RBMS3: variants seen among roughly 807,000 people sequenced by gnomAD.
RBMS3 encodes the protein RNA-binding motif, single-stranded-interacting protein 3.
In RBMS3, 27 loss-of-function variants were observed where a neutral mutation model predicts 66.8. The ratio of observed to expected loss-of-function variants is 0.40; its 90% confidence interval spans 0.30 to 0.56. RBMS3 has a LOEUF of 0.56. RBMS3 is among the 20% of genes least tolerant of loss of function. RBMS3 has a pLI of 0.40. For missense variants in RBMS3, 513 were observed against 549.5 expected, an observed-to-expected ratio of 0.93 and a Z score of 0.66; for synonymous variants, 188 against 183.0, an observed-to-expected ratio of 1.03 and a Z score of -0.22.
At chr3:29,709,159 TC>T (rs1354600034) in intron 4 of RBMS3, among the ~76,000 whole-genome samples, 3 of 152,018 alleles carry the variant, frequency 2.0e-5, no homozygotes, top group Non-Finnish European at 4.4e-5. Flanking sequence ...TACACATGAC[TC>T]CCTCTAAACT....
intron 7 of RBMS3, among the ~76,000 whole-genome samples, chr3:29,876,831 G>GAA (rs11432606): frequency 1.0e-4 from 15 of 148,676 alleles, no homozygotes; most frequent in South Asian, 2.1e-4. Flanking sequence ...GTCTAGAGGT[G>GAA]AAAAAAAAAA....
chr3:29,460,528 G>T (rs1401331393), intron 2 of RBMS3, among the ~76,000 whole-genome samples: 2 of 152,072 alleles, frequency 1.3e-5, no homozygotes, highest in African/African-American at 4.8e-5. Context: ...TTTTTAATAA[G>T]CCCCCAAGTT....
At chr3:29,580,137 T>A (rs988070042) in intron 3 of RBMS3, among the ~76,000 whole-genome samples, 2 of 152,224 alleles carry the variant, frequency 1.3e-5, no homozygotes, top group Admixed American at 6.5e-5. Flanking sequence ...GTAATTGTTT[T>A]ATTCTGCTAG....
chr3:29,750,143 C>T (rs765289776), intron 5 of RBMS3, among the ~76,000 whole-genome samples: 19 of 151,718 alleles, frequency 1.3e-4, no homozygotes, highest in East Asian at 1.9e-4. Flanking sequence ...TTTTGATTGA[C>T]GTTGACTTAG....
chr3:29,511,219 C>T (rs9872045), intron 3 of RBMS3, among the ~76,000 whole-genome samples: 14,119 of 152,138 alleles, frequency 0.093, 1,116 homozygotes, highest in East Asian at 0.38. Context: ...ATCACTTGAA[C>T]CCAGGAGCAG....
chr3:29,631,858 C>T (rs1678461608), intron 4 of RBMS3, among the ~76,000 whole-genome samples: 1 of 151,740 alleles, frequency 6.6e-6, no homozygotes, highest in African/African-American at 2.4e-5. Flanking sequence ...AACTTCTTTC[C>T]TCTGGGTGGA....
intron 11 of RBMS3, among the ~76,000 whole-genome samples, chr3:29,936,559 C>T (rs1408805979): frequency 3.3e-5 from 5 of 152,100 alleles, no homozygotes; most frequent in Admixed American, 3.3e-4. Context: ...CTTACCAGCT[C>T]AGCTACTATA....
chr3:29,470,126 T>C (rs1456649402), intron 2 of RBMS3, among the ~76,000 whole-genome samples: 1 of 151,170 alleles, frequency 6.6e-6, no homozygotes, highest in Non-Finnish European at 1.5e-5. Flanking sequence ...AACAAGGTAG[T>C]ATTTGTATAT....
chr3:29,847,026 A>G (rs1377978165), intron 6 of RBMS3, among the ~76,000 whole-genome samples: 2 of 152,216 alleles, frequency 1.3e-5, no homozygotes, highest in African/African-American at 2.4e-5. Flanking sequence ...GCAAGGCGCC[A>G]TATCGCATGA....
chr3:29,767,494 C>T (rs1453274294), intron 6 of RBMS3: 1 of 151,938 alleles, frequency 6.6e-6, no homozygotes, highest in Non-Finnish European at 1.5e-5. Flanking sequence ...AATTTAACAA[C>T]TCTTGTGACT....
intron 12 of RBMS3, among the ~76,000 whole-genome samples, chr3:29,968,595 C>T (rs1697017127): frequency 6.6e-6 from 1 of 152,212 alleles, no homozygotes; most frequent in African/African-American, 2.4e-5. Flanking sequence ...AAGTCGGAAA[C>T]TTCTCCCACA....
intron 4 of RBMS3, among the ~76,000 whole-genome samples, chr3:29,681,448 C>A (rs183150776): frequency 1.6e-4 from 24 of 152,184 alleles, no homozygotes; most frequent in African/African-American, 5.8e-4. Context: ...TATCCCATCA[C>A]CCAAGTATTA....
intron 4 of RBMS3, among the ~76,000 whole-genome samples, chr3:29,665,104 G>A (rs2050701482): frequency 6.6e-6 from 1 of 152,166 alleles, no homozygotes; most frequent in Admixed American, 6.5e-5. Context: ...GAAAATGCTA[G>A]TAACCAGAAT....
chr3:29,792,176 C>G (rs149710243), intron 6 of RBMS3, among the ~76,000 whole-genome samples: 127 of 152,208 alleles, frequency 8.3e-4, no homozygotes, highest in African/African-American at 2.9e-3. Context: ...ATTTTCCTAT[C>G]TAAAAGTGAC....
intron 12 of RBMS3, among the ~76,000 whole-genome samples, chr3:29,985,640 ACCCTAC>A (rs1167020309): frequency 6.6e-6 from 1 of 151,948 alleles, no homozygotes; most frequent in Non-Finnish European, 1.5e-5. Flanking sequence ...GTGAGGCGAT[ACCCTAC>A]GCTGCTTCGG....
chr3:29,486,984 A>AT (rs2043345234), intron 2 of RBMS3, among the ~76,000 whole-genome samples: 1 of 151,912 alleles, frequency 6.6e-6, no homozygotes, highest in East Asian at 1.9e-4. Flanking sequence ...TGTGGAAAAA[A>AT]AAGATGCAGT....
chr3:29,366,301 G>C lies in RBMS3; in HGVS notation c.76-68442G>C, dbSNP rs116750310. Among the ~76,000 whole-genome samples the C allele has an allele frequency of 5.2e-3, 790 of 152,230 alleles. 5 individuals carry two copies. Among genetic ancestry groups the C allele is most frequent in the African/African-American group, 0.018 (748 of 41,554 alleles). On this transcript the variant is annotated intron_variant, in intron 1 of 14. Transcript: ENST00000383767. The stretch of plus-strand genomic sequence containing the variant: ...CATGCAGACATTACCCAAACACATA[G>C]ATCTAGATTGATCAATTTGAGAACT...
Position 30,005,584 on chromosome 3 carries a change from C to T in RBMS3, c.*1722C>T, listed in dbSNP as rs888121317. 7 of 151,866 alleles carry T rather than the reference C, an allele frequency of 4.6e-5. No homozygotes were observed. Among genetic ancestry groups the T allele is most frequent in the Non-Finnish European group, 7.4e-5 (5 of 67,844 alleles). The allele number at this position is 151,866 out of a possible 1,614,324, so 9.4% of individuals were successfully genotyped here. On this transcript the variant is annotated 3_prime_UTR_variant, in exon 15 of 15. Transcript: ENST00000383767. The stretch of plus-strand genomic sequence containing the variant: ...TTGTATTTGAACAATAGTCTTCCCT[C>T]TAAATTACAACACCTCTGGGTTTTG...
intron 4 of RBMS3, chr3:29,698,164 C>T (rs1042847440): frequency 3.1e-6 from 3 of 965,018 alleles, no homozygotes; most frequent in Non-Finnish European, 3.7e-6. Flanking sequence ...AATGCTCCTT[C>T]TTCAGACTAC....
Sources: gnomAD v4.1 joint callset for allele counts (sites outside exome capture counted in the v4.1 genomes callset) on GRCh38, gnomAD v4.1.1 for gene constraint, MANE v1.5 for transcripts, NCBI Gene and HGNC (gene_info 2026-07-23, HGNC 2026-07-21) for gene names.